Variants in NAV3 observed in about 807,000 individuals in gnomAD.
The protein encoded by NAV3 is neuron navigator 3.
A neutral mutation model predicts 244.7 loss-of-function variants in NAV3; 87 were observed. The ratio of observed to expected loss-of-function variants is 0.36; its 90% CI spans 0.30 to 0.42. The LOEUF is 0.42. NAV3 is among the 20% of genes least tolerant of loss of function. The probability of loss-of-function intolerance (pLI) is 1.00; values close to 1 mark genes in which losing one functional copy is unlikely to be tolerated. For missense variants in NAV3, 2,663 were observed against 2,893.3 expected (o/e 0.92, Z 1.83); for synonymous variants, 1,126 against 1,042.2 (o/e 1.08, Z -1.55).
chr12:78,072,930 A>C (rs1952852535), intron 12 of NAV3, among the ~76,000 whole-genome samples: 3 of 141,688 alleles, frequency 2.1e-5, no homozygotes, highest in African/African-American at 7.6e-5. Flanking sequence ...AGCCAAAGAC[A>C]AAAACCACAT....
intron 2 of NAV3, among the ~76,000 whole-genome samples, chr12:77,668,686 A>C: frequency 6.6e-6 from 1 of 152,314 alleles, no homozygotes; most frequent in Non-Finnish European, 1.5e-5. Flanking sequence ...GTGTTCTTGA[A>C]GAAAAAGAGA....
chr12:78,077,646 G>T (rs970532138), intron 12 of NAV3, among the ~76,000 whole-genome samples: 4 of 152,130 alleles, frequency 2.6e-5, no homozygotes, highest in African/African-American at 9.7e-5. Context: ...TTAAGCAACA[G>T]AAACATATTG....
chr12:78,153,541 G>A (rs1957158047), intron 22 of NAV3, among the ~76,000 whole-genome samples: 1 of 152,040 alleles, frequency 6.6e-6, no homozygotes, highest in Non-Finnish European at 1.5e-5. Flanking sequence ...GATAGCCTCT[G>A]GCCTCTCGCC....
chr12:77,728,954 CT>C (rs754043528), intron 2 of NAV3, among the ~76,000 whole-genome samples: 1 of 151,870 alleles, frequency 6.6e-6, no homozygotes, highest in Non-Finnish European at 1.5e-5. Context: ...GGATGAAGAC[CT>C]TTATGATAGT....
chr12:77,858,297 CAG>C (rs572188833), intron 1 of NAV3, among the ~76,000 whole-genome samples: 8 of 151,860 alleles, frequency 5.3e-5, no homozygotes, highest in Non-Finnish European at 8.8e-5. Flanking sequence ...AAATGGGAAA[CAG>C]GGGGTTTAAG....
intron 8 of NAV3, among the ~76,000 whole-genome samples, chr12:78,007,957 AC>A (rs1874532829): frequency 6.6e-6 from 1 of 152,158 alleles, no homozygotes; most frequent in African/African-American, 2.4e-5. Context: ...AAGTTACTTA[AC>A]ATTCTTTAGT....
At chr12:77,670,196 G>A (rs113016271) in intron 2 of NAV3, among the ~76,000 whole-genome samples, 11,841 of 152,060 alleles carry the variant, frequency 0.078, 641 homozygotes, top group African/African-American at 0.16. Flanking sequence ...AAAACCTAGA[G>A]GAGATGAATA....
At chr12:77,693,320 A>T (rs1014878892) in intron 2 of NAV3, among the ~76,000 whole-genome samples, 5 of 152,122 alleles carry the variant, frequency 3.3e-5, no homozygotes, top group African/African-American at 1.2e-4. Context: ...CCACCATATC[A>T]GTATCTCAAC....
intron 2 of NAV3, among the ~76,000 whole-genome samples, chr12:77,764,455 G>C (rs1043810658): frequency 6.6e-6 from 1 of 152,022 alleles, no homozygotes. Context: ...AAATAAACTA[G>C]GTTTGAACAA....
intron 2 of NAV3, among the ~76,000 whole-genome samples, chr12:77,619,028 A>T (rs1284356561): frequency 6.6e-6 from 1 of 152,220 alleles, no homozygotes; most frequent in African/African-American, 2.4e-5. Context: ...CAAAATAAGA[A>T]TCTTCTTGTC....
intron 1 of NAV3, among the ~76,000 whole-genome samples, chr12:77,847,770 C>T (rs1876882849): frequency 6.6e-6 from 1 of 152,072 alleles, no homozygotes; most frequent in Admixed American, 6.6e-5. Context: ...GTCTTAGCCC[C>T]GTGTTTGTTC....
intron 12 of NAV3, 63 bp from the exon 13 acceptor site, chr12:78,116,709 T>C: frequency 7.1e-7 from 1 of 1,407,090 alleles, no homozygotes. Context: ...TGCATGGAAA[T>C]GTAGGTGACT....
At chr12:77,704,941 A>G (rs919692783) in intron 2 of NAV3, among the ~76,000 whole-genome samples, 1 of 152,212 alleles carries the variant, frequency 6.6e-6, no homozygotes, top group Non-Finnish European at 1.5e-5. Flanking sequence ...GAAATAAAAG[A>G]TTTTATGATA....
intron 3 of NAV3, among the ~76,000 whole-genome samples, chr12:77,956,717 A>G (rs1891393465): frequency 7.9e-6 from 1 of 126,290 alleles, no homozygotes; most frequent in African/African-American, 3.0e-5. Flanking sequence ...ACCTTATATA[A>G]AATCCAACTT....
Position 77,594,031 on chromosome 12 carries a change from G to A in NAV3, c.72+21765G>A, listed in dbSNP as rs531860793. Among the ~76,000 whole-genome samples, 24 of 151,714 alleles carry A rather than the reference G, an allele frequency of 1.6e-4. No homozygotes were observed. In the South Asian group the frequency reaches 4.2e-3, roughly 26 times the overall value. On this transcript the variant is annotated intron_variant, in intron 2 of 8. Transcript: ENST00000550042. ...TTAATATATATTCGTTCTCATTTTC[G>A]CAGGTCTACTTAATGCCAATGACTA...
intron 2 of NAV3, among the ~76,000 whole-genome samples, chr12:77,653,185 C>G (rs1019315595): frequency 2.0e-5 from 3 of 152,166 alleles, no homozygotes; most frequent in African/African-American, 7.2e-5. Context: ...TCTAAGCTGC[C>G]AAAATGCTCA....
At chr12:78,002,791 A>T (rs983098495) in intron 7 of NAV3, among the ~76,000 whole-genome samples, 1 of 152,014 alleles carries the variant, frequency 6.6e-6, no homozygotes, top group African/African-American at 2.4e-5. Context: ...TATTCTTTCC[A>T]TGAGTTACCA....
intron 2 of NAV3, among the ~76,000 whole-genome samples, chr12:77,642,115 T>C (rs1468350137): frequency 1.3e-5 from 2 of 151,972 alleles, no homozygotes; most frequent in Non-Finnish European, 2.9e-5. Flanking sequence ...TGCCCTTCAG[T>C]TTAGTGTCAC....
At chr12:77,845,878 C>A (rs575895454) in intron 1 of NAV3, among the ~76,000 whole-genome samples, 1 of 152,206 alleles carries the variant, frequency 6.6e-6, no homozygotes, top group South Asian at 2.1e-4. Flanking sequence ...GTCTCGAACC[C>A]CTGACATCAG....
Sources: allele counts gnomAD v4.1 joint callset (sites outside exome capture counted in the v4.1 genomes callset), GRCh38; gene constraint gnomAD v4.1.1; transcripts MANE v1.5; gene names NCBI Gene and HGNC (gene_info 2026-07-23, HGNC 2026-07-21).